Variants in TJP2 observed in about 807,000 individuals in gnomAD.
The protein encoded by TJP2 is tight junction protein 2, also known as Friedreich ataxia region gene X104 (tight junction protein ZO-2).
TJP2 carries 91 observed loss-of-function variants against 133.1 expected under a neutral mutation model. That is an observed-to-expected ratio of 0.68 (90% CI 0.58 to 0.81). The LOEUF (loss-of-function observed/expected upper bound fraction) is 0.81. TJP2 is among the 40% of genes least tolerant of loss of function. TJP2 has a pLI of 0.00. For synonymous variants in TJP2, 592 were observed against 583.4 expected (o/e 1.01, Z -0.21); for missense variants, 1,541 against 1,565.6 (o/e 0.98, Z 0.26).
Position 69,251,457 on chromosome 9 carries a change from A to T in TJP2, c.3321+93A>T, listed in dbSNP as rs572933076. On this transcript the variant is annotated intron_variant, in intron 21 of 22. Coordinates refer to ENST00000377245, the MANE Select transcript of TJP2 (RefSeq NM_004817.4). Reference sequence around the variant, plus strand: ...AACAGCCCCTTTGCTGCTGCTGCAGATGTGGCAGGGATGCACTGCACCAAA... The same window carrying T: ...AACAGCCCCTTTGCTGCTGCTGCAGTTGTGGCAGGGATGCACTGCACCAAA... 7.8e-5 allele frequency: 106 copies of T among 1,359,706 alleles called. No homozygotes were observed. In the African/African-American group the frequency reaches 1.4e-3, roughly 18 times the overall value. 84.2% of individuals were successfully genotyped at this position (1,359,706 alleles called of 1,614,324 possible).
intron 1 of TJP2, among the ~76,000 whole-genome samples, chr9:69,204,337 A>G (rs1338839974): frequency 2.6e-5 from 4 of 152,192 alleles, no homozygotes; most frequent in African/African-American, 9.7e-5. Flanking sequence ...AACATACACT[A>G]TGGTAGCAAG....
At chr9:69,248,280 T>G (rs749035331) in intron 19 of TJP2, 56 bp downstream of exon 19, 12 of 1,535,576 alleles carry the variant, frequency 7.8e-6, no homozygotes, top group Non-Finnish European at 9.7e-6. Flanking sequence ...TTCCTTGCAC[T>G]CTCGTGGACA....
chr9:69,217,907 T>A (rs1301374368), intron 3 of TJP2, among the ~76,000 whole-genome samples: 1 of 152,202 alleles, frequency 6.6e-6, no homozygotes, highest in Non-Finnish European at 1.5e-5. Context: ...TAGACTTTTC[T>A]GAAGCCCACC....
intron 1 of TJP2, among the ~76,000 whole-genome samples, chr9:69,203,059 G>C (rs906167954): frequency 8.5e-5 from 13 of 152,148 alleles, no homozygotes; most frequent in Non-Finnish European, 1.8e-4. Context: ...AGGGAAAGAA[G>C]TATTTATTTC....
chr9:69,139,270 G>T (rs76860516), intron 1 of TJP2, among the ~76,000 whole-genome samples: 2,883 of 152,282 alleles, frequency 0.019, 48 homozygotes, highest in Middle Eastern at 0.058. Flanking sequence ...GTTATGGGTT[G>T]AATTATATTT....
At chr9:69,178,105 C>T (rs529953051) in intron 1 of TJP2, among the ~76,000 whole-genome samples, 108 of 152,090 alleles carry the variant, frequency 7.1e-4, no homozygotes, top group Non-Finnish European at 1.2e-3. Context: ...TCCTAGATAA[C>T]CTGTGAGCTC....
intron 2 of TJP2, among the ~76,000 whole-genome samples, chr9:69,168,803 A>T (rs1554773139): frequency 1.2e-4 from 5 of 41,408 alleles, no homozygotes; most frequent in African/African-American, 2.1e-4. Flanking sequence ...ACTGTCTCAA[A>T]AAAAAAAAAA....
At chr9:69,143,588 GTAA>G (rs1823095346) in intron 1 of TJP2, among the ~76,000 whole-genome samples, 1 of 152,186 alleles carries the variant, frequency 6.6e-6, no homozygotes, top group Admixed American at 6.5e-5. Context: ...ACCAGTGGGA[GTAA>G]TATTCATGAA....
intron 2 of TJP2, among the ~76,000 whole-genome samples, chr9:69,158,860 C>A (rs1382700702): frequency 6.6e-6 from 1 of 152,048 alleles, no homozygotes; most frequent in African/African-American, 2.4e-5. Context: ...GGTTTTGATT[C>A]TTCACTCATA....
In TJP2 at chr9:69,254,189, T is replaced by C; in HGVS notation, c.3408-20T>C. 6.2e-7 allele frequency: 1 copy of C among 1,614,104 alleles called. No individual in the cohort carries two copies. Among genetic ancestry groups the C allele is most frequent in the East Asian group, 2.2e-5 (1 of 44,894 alleles). On this transcript the variant is annotated intron_variant, in intron 22 of 22. Coordinates refer to ENST00000377245, the MANE Select transcript of TJP2 (RefSeq NM_004817.4). ...ACATGGATGTGCTCTGGAATGTCTT[T>C]AACACCCTTTTTTTGTTAGTTCCAG...
At position 69,182,905 on chromosome 9, in the gene TJP2, C is replaced by T. The variant is rs146756545; in HGVS notation, c.60+8473C>T. On this transcript the variant is annotated intron_variant, in intron 1 of 22. Transcript: ENST00000377245. ...CCAGGTTCAAGCAATTCTCCGGCCT[C>T]AGCCTCCCGAGTAGTTGGGACTACA... Among the ~76,000 whole-genome samples, 114 of 151,328 alleles carry T rather than the reference C, an allele frequency of 7.5e-4. No individual in the cohort carries two copies. The East Asian group carries it at 0.019, about 26-fold the overall frequency.
At chr9:69,132,086 T>C (rs1822520059) in intron 1 of TJP2, among the ~76,000 whole-genome samples, 3 of 152,236 alleles carry the variant, frequency 2.0e-5, no homozygotes, top group Admixed American at 1.3e-4. Flanking sequence ...TGGCAACTAG[T>C]TGTGACCACA....
intron 1 of TJP2, among the ~76,000 whole-genome samples, chr9:69,176,556 A>C (rs1025117110): frequency 2.6e-5 from 4 of 152,256 alleles, no homozygotes; most frequent in African/African-American, 9.6e-5. Context: ...CTTTCCCTAC[A>C]AAAGAAGCGA....
At position 69,252,898 on chromosome 9, in the gene TJP2, G is replaced by A. The variant is rs771190188; in HGVS notation, c.3405G>A (p.Thr1135=). The part of the protein sequence containing the change: ...HKPDPGTPQH[T]SSRPPEPQKA... ...CAGACCCTGGCACGCCCCAGCACAC[G>A]AGGTAAGGGCTGCCTAGTGGGTACA... The change falls in exon 22 of 23, where the codon ACG becomes ACA. Residue 1135 remains threonine (T), a splice_region_variant and synonymous_variant. Coordinates refer to ENST00000377245, the MANE Select transcript of TJP2 (RefSeq NM_004817.4). 8.2e-5 allele frequency: 132 copies of A among 1,614,028 alleles called. 1 individual carries two copies. The highest frequency in any genetic ancestry group is 5.2e-4 in the South Asian group (47 of 91,086).
At chr9:69,251,386 A>G (rs1272916046) in intron 21 of TJP2, 22 bp downstream of exon 21, 6 of 1,604,490 alleles carry the variant, frequency 3.7e-6, no homozygotes, top group Middle Eastern at 1.7e-4. Context: ...TAAACTACAC[A>G]TCATCAATAA....
At chr9:69,136,840 T>C (rs1822754375) in intron 1 of TJP2, among the ~76,000 whole-genome samples, 1 of 152,142 alleles carries the variant, frequency 6.6e-6, no homozygotes, top group South Asian at 2.1e-4. Flanking sequence ...TATCCTCTTG[T>C]CATGAACTCC....
Position 69,205,525 on chromosome 9 carries a change from G to T in TJP2, c.61-7023G>T, listed in dbSNP as rs191374594. Among the ~76,000 whole-genome samples the T allele has an allele frequency of 1.8e-3, 277 of 152,346 alleles. 6 individuals are homozygous for T. Among genetic ancestry groups the T allele is most frequent in the Admixed American group, 0.015 (222 of 15,304 alleles). On this transcript the variant is annotated intron_variant, in intron 1 of 22. Coordinates refer to ENST00000377245, the MANE Select transcript of TJP2 (RefSeq NM_004817.4). ...AATCTGTAATGGTTTTGCTTCCTGG[G>T]TAGAGCTTAACATACTGGCTTTTGT...
chr9:69,234,750 T>C (rs145847669), intron 12 of TJP2, among the ~76,000 whole-genome samples: 1 of 152,308 alleles, frequency 6.6e-6, no homozygotes, highest in East Asian at 1.9e-4. Flanking sequence ...ATGCATGCAC[T>C]GAAATAATTT....
chr9:69,238,650 A>G (rs910230203), intron 15 of TJP2, 60 bp from the exon 16 acceptor site: 1 of 1,303,692 alleles, frequency 7.7e-7, no homozygotes, highest in Non-Finnish European at 1.1e-6. Flanking sequence ...GCTAGGTGGG[A>G]GTATTTGGTT....
Sources: gnomAD v4.1 joint callset for allele counts (sites outside exome capture counted in the v4.1 genomes callset) on GRCh38, gnomAD v4.1.1 for gene constraint, MANE v1.5 for transcripts, NCBI Gene and HGNC (gene_info 2026-07-23, HGNC 2026-07-21) for gene names.